TFRC: variants seen among roughly 807,000 people sequenced by gnomAD.
TFRC encodes transferrin receptor protein 1.
Under a neutral mutation model 85.8 loss-of-function variants are expected in TFRC, and 35 were observed. The observed-to-expected ratio is 0.41, with a 90% CI of 0.31 to 0.54. The LOEUF is 0.54. TFRC is among the 20% of genes least tolerant of loss of function. TFRC has a pLI of 0.31. For missense variants in TFRC, 828 were observed against 921.5 expected (o/e 0.90, Z 1.31); for synonymous variants, 362 against 328.6 (o/e 1.10, Z -1.10).
intron 6 of TFRC, among the ~76,000 whole-genome samples, chr3:196,070,530 G>A (rs1185417439): frequency 6.6e-6 from 1 of 152,096 alleles, no homozygotes; most frequent in African/African-American, 2.4e-5. Context: ...TGGGATTACA[G>A]GCGTGAGCCA....
intron 1 of TFRC, among the ~76,000 whole-genome samples, chr3:196,080,536 G>C (rs1287542506): frequency 3.3e-5 from 5 of 152,230 alleles, no homozygotes; most frequent in African/African-American, 1.2e-4. Flanking sequence ...AATGCGCCCA[G>C]CCGAGGGTCA....
At chr3:196,053,348 T>G in intron 18 of TFRC, 70 bp downstream of exon 18, 1 of 1,560,908 alleles carries the variant, frequency 6.4e-7, no homozygotes, top group South Asian at 1.1e-5. Flanking sequence ...TTGTCCACTT[T>G]GCAGAAGTGT....
At position 196,062,849 on chromosome 3, in the gene TFRC, A is replaced by T. The variant is rs756904621; in HGVS notation, c.1404+5T>A. 3.1e-6 allele frequency: 5 copies of T among 1,613,678 alleles called. No individual in the cohort carries two copies. Among genetic ancestry groups the T allele is most frequent in the Non-Finnish European group, 4.2e-6 (5 of 1,179,706 alleles). ...TCCAATATGGGAAGGGATGATAAAG[A>T]ATACCTCTAGCCATTCAGTGGCACC... is the stretch of plus-strand genomic sequence containing the variant. On this transcript the variant is annotated splice_donor_5th_base_variant and intron_variant, in intron 12 of 18. Transcript: ENST00000360110.
At chr3:196,058,812 A>G (rs768508459) in intron 14 of TFRC, 180 bp from the exon 15 acceptor site, 18 of 395,424 alleles carry the variant, frequency 4.6e-5, no homozygotes, top group Non-Finnish European at 8.1e-5. Context: ...AACTAGGCTC[A>G]TGTTGTCAGT....
At chr3:196,053,853 T>A (rs192452603) in intron 17 of TFRC, among the ~76,000 whole-genome samples, 1 of 152,204 alleles carries the variant, frequency 6.6e-6, no homozygotes, top group Admixed American at 6.5e-5. Context: ...AATGTCCCTA[T>A]AGGGGAAAAC....
intron 10 of TFRC, 97 bp from the exon 11 acceptor site, chr3:196,064,525 A>G: frequency 2.5e-6 from 3 of 1,176,528 alleles, no homozygotes; most frequent in South Asian, 3.9e-5. Flanking sequence ...AGCACAGTAT[A>G]TGTATTAAGG....
chr3:196,070,810 A>AATAATAATAATAAT (rs1560084312), intron 6 of TFRC, among the ~76,000 whole-genome samples: 6 of 63,470 alleles, frequency 9.5e-5, no homozygotes, highest in African/African-American at 1.8e-4. Context: ...ATAATAATAA[A>AATAATAATAATAAT]ATAAAAAATA....
At position 196,073,047 on chromosome 3, in the gene TFRC, A is replaced by AAACAAACAAAC. The variant is rs1553798507; in HGVS notation, c.434+882_434+883insGTTTGTTTGTT. ...AAATCCCGTTTCTGCAAAAAAAAAAAAAAAAAAAAAAAACCCACAAAAATT... is the reference window on the plus strand; with the variant it reads ...AAATCCCGTTTCTGCAAAAAAAAAAAAACAAACAAACAAAAAAAAAAAAACCCACAAAAATT... On this transcript the variant is annotated intron_variant, in intron 4 of 18. Transcript: ENST00000360110. 1.5e-3 allele frequency among the ~76,000 whole-genome samples: 165 copies of AAACAAACAAAC among 110,542 alleles called. 2 individuals are homozygous for AAACAAACAAAC. The highest frequency in any genetic ancestry group is 5.5e-3 in the Middle Eastern group (1 of 182). 72.5% of individuals were successfully genotyped at this position (110,542 alleles called of 152,430 possible).
At position 196,049,507 on chromosome 3, in the gene TFRC, A is replaced by G. The variant is rs1046032610; in HGVS notation, c.*2435T>C. On this transcript the variant is annotated 3_prime_UTR_variant, in exon 19 of 19. Coordinates refer to ENST00000360110, the MANE Select transcript of TFRC (RefSeq NM_001128148.3). ...TTACCTCCAAAAGGCCCATCTCCTT[A>G]ACGAGAAGACATCTCAAGACCAGGA... 1.4e-5 allele frequency: 3 copies of G among 220,092 alleles called. No homozygotes were observed. The highest frequency in any genetic ancestry group is 1.8e-5 in the Non-Finnish European group (2 of 109,716). The allele number at this position is 220,092 out of a possible 1,614,324, so 13.6% of individuals were successfully genotyped here.
chr3:196,073,953 G>C lies in TFRC; in HGVS notation c.411C>G (p.Ser137Arg). The change falls in exon 4 of 19, where the codon AGC becomes AGG. Residue 137 changes from serine to arginine, a missense_variant. Coordinates refer to ENST00000360110, the MANE Select transcript of TFRC (RefSeq NM_001128148.3). ...ACTTGATGGTGCCGGTGAAGTCTGT[G>C]CTGTCCAGTTTCTCCGACAACTTTC... Reference protein sequence around the residue: ...LKRKLSEKLDSTDFTGTIKLL... With the variant: ...LKRKLSEKLDRTDFTGTIKLL... The C allele has an allele frequency of 6.2e-7, 1 of 1,614,076 alleles. No homozygotes were observed. The highest frequency in any genetic ancestry group is 2.2e-5 in the East Asian group (1 of 44,880).
intron 13 of TFRC, chr3:196,062,357 C>A (rs1175368332): frequency 2.0e-6 from 1 of 498,976 alleles, no homozygotes; most frequent in African/African-American, 2.0e-5. Flanking sequence ...CATAGTGAAG[C>A]CCTGTCTCTA....
intron 17 of TFRC, among the ~76,000 whole-genome samples, chr3:196,054,772 C>T (rs924921931): frequency 6.6e-6 from 1 of 152,236 alleles, no homozygotes; most frequent in African/African-American, 2.4e-5. Context: ...GGCACACAGC[C>T]CAACTCCTTG....
intron 1 of TFRC, among the ~76,000 whole-genome samples, chr3:196,078,115 A>C (rs1235031894): frequency 6.6e-6 from 1 of 152,208 alleles, no homozygotes; most frequent in African/African-American, 2.4e-5. Context: ...ACATCTCTGT[A>C]ATCAAAGTCC....
chr3:196,077,880 G>C (rs9865962), intron 1 of TFRC, among the ~76,000 whole-genome samples: 3,013 of 152,258 alleles, frequency 0.02, 59 homozygotes, highest in African/African-American at 0.05. Flanking sequence ...CTGACTGAAT[G>C]AATAGTTCCT....
intron 16 of TFRC, among the ~76,000 whole-genome samples, chr3:196,057,209 G>C (rs1182862398): frequency 6.6e-6 from 1 of 152,168 alleles, no homozygotes; most frequent in Non-Finnish European, 1.5e-5. Context: ...CCCTGGTCCT[G>C]GTTAAAGATC....
intron 1 of TFRC, among the ~76,000 whole-genome samples, chr3:196,078,155 C>A (rs1490506706): frequency 6.6e-6 from 1 of 152,102 alleles, no homozygotes; most frequent in Non-Finnish European, 1.5e-5. Context: ...TAACTGAAAT[C>A]TGAATTTTCC....
At chr3:196,055,433 C>T (rs1716700840) in intron 16 of TFRC, 132 bp from the exon 17 acceptor site, 2 of 707,234 alleles carry the variant, frequency 2.8e-6, no homozygotes, top group South Asian at 3.4e-5. Context: ...CCGCAATTTA[C>T]CCCAATTCTA....
chr3:196,075,125 A>G (rs1405654326), intron 3 of TFRC, 34 bp downstream of exon 3: 5 of 1,601,526 alleles, frequency 3.1e-6, no homozygotes, highest in Non-Finnish European at 4.3e-6. Context: ...AGTTGGTTAT[A>G]GAAAACATTG....
At chr3:196,055,346 G>C in intron 16 of TFRC, 45 bp from the exon 17 acceptor site, 1 of 1,523,936 alleles carries the variant, frequency 6.6e-7, no homozygotes, top group Middle Eastern at 1.7e-4. Context: ...AGTTCTAAGA[G>C]CAAGAGCCTC....
Sources: allele counts gnomAD v4.1 joint callset (sites outside exome capture counted in the v4.1 genomes callset), GRCh38; gene constraint gnomAD v4.1.1; transcripts MANE v1.5; gene names NCBI Gene and HGNC (gene_info 2026-07-23, HGNC 2026-07-21).